GRM6: variants seen among roughly 807,000 people sequenced by gnomAD.
GRM6 encodes glutamate metabotropic receptor 6.
GRM6 carries 73 observed loss-of-function variants against 78.4 expected under a neutral mutation model. The observed-to-expected ratio is 0.93, with a 90% CI of 0.77 to 1.13. The LOEUF is 1.13. Ranked by LOEUF, GRM6 falls within the 50% of genes most tolerant of loss-of-function variation. The pLI is 0.00. For synonymous variants in GRM6, 580 were observed against 555.0 expected (o/e 1.05, Z -0.63); for missense variants, 1,251 against 1,256.4 (o/e 1.00, Z 0.07).
chr5:178,987,828 C>T (rs922304387), intron 7 of GRM6, among the ~76,000 whole-genome samples: 2 of 151,648 alleles, frequency 1.3e-5, no homozygotes, highest in African/African-American at 2.4e-5. Context: ...GGCACAATCC[C>T]AGCTCACTGC....
chr5:178,994,111 G>A (rs1182943975), intron 2 of GRM6, among the ~76,000 whole-genome samples: 2 of 152,180 alleles, frequency 1.3e-5, no homozygotes, highest in African/African-American at 4.8e-5. Context: ...TTGCAGGGGT[G>A]TGCCCAGAAC....
Position 178,983,063 on chromosome 5 carries a change from G to C in GRM6, c.2283C>G (p.Leu761=). Reference sequence around the variant, plus strand: ...TGGCGTACACTGTGCACGTGACCATGAGCAGGAGGCTGTAGCCCAGGCAGC... The same window carrying C: ...TGGCGTACACTGTGCACGTGACCATCAGCAGGAGGCTGTAGCCCAGGCAGC... ...LIGCLGYSLL[L]MVTCTVYAIK... Residue 761 remains leucine, a synonymous_variant, in exon 10 of 11, where the codon CTC becomes CTG. Coordinates refer to ENST00000517717, the MANE Select transcript of GRM6 (RefSeq NM_000843.4). 6.2e-7 allele frequency: 1 copy of C among 1,614,226 alleles called. No individual in the cohort carries two copies. The highest frequency in any genetic ancestry group is 8.5e-7 in the Non-Finnish European group (1 of 1,180,040).
In GRM6 at chr5:178,981,404, C is replaced by A; in HGVS notation, c.*253G>T. ...TTTAGTCCCTTTCTAGAGCTAGAAC[C>A]TTCTCGGTGGCTGTTTCCCACCATG... On this transcript the variant is annotated 3_prime_UTR_variant, in exon 11 of 11. Coordinates refer to ENST00000517717, the MANE Select transcript of GRM6 (RefSeq NM_000843.4). The surrounding 1 kb of genome is among the most constrained non-coding windows in gnomAD (Gnocchi z 5.1). 1 of 530,724 alleles carries A rather than the reference C, an allele frequency of 1.9e-6. No homozygotes were observed. Among genetic ancestry groups the A allele is most frequent in the East Asian group, 3.2e-5 (1 of 30,954 alleles). The allele number at this position is 530,724 out of a possible 1,614,324, so 32.9% of individuals were successfully genotyped here. A position where few individuals can be genotyped will look rare whatever the true frequency, so the allele number is the denominator to read the frequency against.
intron 8 of GRM6, 22 bp downstream of exon 8, chr5:178,986,816 G>C: frequency 6.2e-7 from 1 of 1,612,952 alleles, no homozygotes. Context: ...ATGCCCACCT[G>C]GGGCTCGGTC....
chr5:178,990,367 C>G (rs1168240596), intron 5 of GRM6, among the ~76,000 whole-genome samples: 3 of 152,262 alleles, frequency 2.0e-5, no homozygotes, highest in African/African-American at 2.4e-5. Flanking sequence ...AAAAACCCAA[C>G]AATTCCTCCC....
intron 6 of GRM6, 37 bp downstream of exon 6, chr5:178,989,224 TCCCC>T: frequency 1.2e-6 from 1 of 826,408 alleles, no homozygotes; most frequent in Non-Finnish European, 1.7e-6. Context: ...CTCACCACCC[TCCCC>T]ACCCTCCCCA....
intron 9 of GRM6, among the ~76,000 whole-genome samples, chr5:178,984,127 A>T (rs1760460168): frequency 6.6e-6 from 1 of 152,288 alleles, no homozygotes; most frequent in East Asian, 1.9e-4. Flanking sequence ...GGAGATCGAG[A>T]CCAACTTCCA....
chr5:178,985,680 G>GA (rs1760519340), intron 9 of GRM6: 1 of 397,534 alleles, frequency 2.5e-6, no homozygotes, highest in South Asian at 1.8e-5. Flanking sequence ...TCCAGCCTGG[G>GA]CGACACAGCG....
chr5:178,985,621 T>G (rs541223206), intron 9 of GRM6: 72 of 360,348 alleles, frequency 2.0e-4, no homozygotes, highest in Admixed American at 7.5e-4. Context: ...GAGAATGGCG[T>G]GAACCCGGAA....
At chr5:178,982,716 G>A in intron 10 of GRM6, 194 bp downstream of exon 10, 2 of 517,354 alleles carry the variant, frequency 3.9e-6, no homozygotes, top group South Asian at 2.7e-5. Flanking sequence ...AAAAAAAGAA[G>A]AGTGGAAGTT....
In GRM6 at chr5:178,994,463, G is replaced by A. The variant is rs1179971670; in HGVS notation, c.482C>T (p.Ala161Val). Reference protein sequence around the residue: ...ASASSVSIMVANVLRLFAIPQ... With the variant: ...ASASSVSIMVVNVLRLFAIPQ... ...CACCGCAAACAGGCGCAGCACGTTGGCGACCATGATGGAGACGGAGCTGGC... is the reference window on the plus strand; with the variant it reads ...CACCGCAAACAGGCGCAGCACGTTGACGACCATGATGGAGACGGAGCTGGC... Residue 161 changes from alanine to valine, a missense_variant, in exon 2 of 11, where the codon GCC becomes GTC. Physicochemically the swap from Ala to Val is moderately conservative, Grantham distance 64 (BLOSUM62 0). Coordinates refer to ENST00000517717, the MANE Select transcript of GRM6 (RefSeq NM_000843.4). 7 of 1,488,338 alleles carry A rather than the reference G, an allele frequency of 4.7e-6. No homozygotes were observed. The highest frequency in any genetic ancestry group is 1.3e-5 in the South Asian group (1 of 79,492). The allele number at this position is 1,488,338 out of a possible 1,614,324, so 92.2% of individuals were successfully genotyped here. A position where few individuals can be genotyped will look rare whatever the true frequency, so the allele number is the denominator to read the frequency against.
At position 178,986,600 on chromosome 5, in the gene GRM6, C is replaced by A; in HGVS notation, c.1654G>T (p.Glu552Ter). Reference protein sequence around the residue: ...ACDGYRFQVDEFTCEACPGDM... With the variant: ...ACDGYRFQVD ...CCAGGACAGGCCTCGCATGTGAACT[C>A]GTCCACCTGGAAGCGGTACCCGTCA... The change falls in exon 9 of 11, where the codon GAG (glutamate) becomes TAG (stop). Residue 552 changes from glutamate to a stop codon, truncating the protein, a stop_gained. Transcript: ENST00000517717. LOFTEE classifies it high-confidence loss of function. 1 of 1,604,872 alleles carries A rather than the reference C, an allele frequency of 6.2e-7. No individual in the cohort carries two copies.
intron 4 of GRM6, 63 bp from the exon 5 acceptor site, chr5:178,990,809 C>A (rs1172636525): frequency 1.5e-6 from 2 of 1,315,994 alleles, no homozygotes; most frequent in South Asian, 1.3e-5. Context: ...GGCCCCCATC[C>A]CTTCCCACTC....
chr5:178,983,847 T>C (rs557607502), intron 9 of GRM6, among the ~76,000 whole-genome samples: 18 of 152,198 alleles, frequency 1.2e-4, no homozygotes, highest in Non-Finnish European at 2.4e-4. Context: ...CGAAGCCACC[T>C]GCATAAAGGC....
rs1760607225 is a variant in GRM6, at chr5:178,988,465, A to G, written c.1354+470T>C. ...GTCCACTGGGGTCTCCTCAGAAGACACAGTTTTGAGCCCTGACCACACACC... is the reference window on the plus strand; with the variant it reads ...GTCCACTGGGGTCTCCTCAGAAGACGCAGTTTTGAGCCCTGACCACACACC... On this transcript the variant is annotated intron_variant, in intron 7 of 10. Coordinates refer to ENST00000517717, the MANE Select transcript of GRM6 (RefSeq NM_000843.4). This position sits in a 1 kb window ranked among gnomAD's most constrained non-coding sequence, Gnocchi z 6.0. 6.6e-6 allele frequency among the ~76,000 whole-genome samples: 1 copy of G among 152,218 alleles called. No individual in the cohort carries two copies. The highest frequency in any genetic ancestry group is 1.5e-5 in the Non-Finnish European group (1 of 68,034).
At position 178,991,641 on chromosome 5, in the gene GRM6, G is replaced by A; in HGVS notation, c.722-82C>T. On this transcript the variant is annotated intron_variant, in intron 3 of 10. Transcript: ENST00000517717. The surrounding 1 kb of genome is among the most constrained non-coding windows in gnomAD (Gnocchi z 5.0). ...GGCCACCGCTGCAGAGGACTGTGTA[G>A]GCTGGCTGAAGGGTCTGCAGGGGTG... The A allele has an allele frequency of 4.9e-6, 7 of 1,430,174 alleles. No individual in the cohort carries two copies. The highest frequency in any genetic ancestry group is 6.8e-6 in the Non-Finnish European group (7 of 1,034,106). The allele number at this position is 1,430,174 out of a possible 1,614,324, so 88.6% of individuals were successfully genotyped here. A position where few individuals can be genotyped will look rare whatever the true frequency, so the allele number is the denominator to read the frequency against.
chr5:178,982,794 A>G (rs918990453), intron 10 of GRM6, 116 bp downstream of exon 10: 1 of 747,032 alleles, frequency 1.3e-6, no homozygotes, highest in Non-Finnish European at 2.4e-6. Context: ...GAGTGAATGA[A>G]CAAGCAGCCA....
rs924541923 is a variant in GRM6 at position 178,990,587 on chromosome 5, C to G, written c.1012+5G>C. 6 of 1,611,580 alleles carry G rather than the reference C, an allele frequency of 3.7e-6. No individual in the cohort carries two copies. The highest frequency in any genetic ancestry group is 5.1e-6 in the Non-Finnish European group (6 of 1,178,530). On this transcript the variant is annotated splice_donor_5th_base_variant and intron_variant, in intron 5 of 10. Transcript: ENST00000517717. ...GGGTGGGGGATGGAGTGCCCCTGGA[C>G]TCACCGTCGATGGAGGCCCTTTTGG...
At position 178,991,880 on chromosome 5, in the gene GRM6, G is replaced by T. The variant is rs1191122954; in HGVS notation, c.708C>A (p.Ile236=). The change falls in exon 3 of 11, where the codon ATC becomes ATA. Residue 236 remains isoleucine, a synonymous_variant. Coordinates refer to ENST00000517717, the MANE Select transcript of GRM6 (RefSeq NM_000843.4). The surrounding 1 kb of genome is among the most constrained non-coding windows in gnomAD (Gnocchi z 5.0). ...GESGVEAFVQ[I]SREAGGVCIA... ...CCCCCAGCTCACCAGCCTCTCGGGA[G>T]ATCTGAACGAAGGCCTCAACCCCAC... 2 of 1,613,572 alleles carry T rather than the reference G, an allele frequency of 1.2e-6. No individual in the cohort carries two copies. The highest frequency in any genetic ancestry group is 2.7e-5 in the African/African-American group (2 of 74,918).
Sources: gnomAD v4.1 joint callset for allele counts (sites outside exome capture counted in the v4.1 genomes callset) on GRCh38, gnomAD v4.1.1 for gene constraint, Gnocchi (gnomAD v3.1) non-coding constraint, MANE v1.5 for transcripts, NCBI Gene and HGNC (gene_info 2026-07-23, HGNC 2026-07-21) for gene names.